CNTN4: variants seen among roughly 807,000 people sequenced by gnomAD.
The protein encoded by CNTN4 is contactin-4.
Under a neutral mutation model 122.5 loss-of-function variants are expected in CNTN4, and 77 were observed. That is an observed-to-expected ratio of 0.63 (90% CI 0.52 to 0.76). The LOEUF (loss-of-function observed/expected upper bound fraction) is 0.76, where lower values mean the gene tolerates loss of function less well. Ranked by LOEUF, CNTN4 falls within the 30% of genes least tolerant of loss-of-function variation. The pLI is 0.00. For missense variants in CNTN4, 1,256 were observed against 1,259.1 expected, an observed-to-expected ratio of 1.00 and a Z score of 0.04; for synonymous variants, 512 against 447.0, an observed-to-expected ratio of 1.15 and a Z score of -1.83.
At chr3:2,235,367 C>T (rs1005674028) in intron 2 of CNTN4, among the ~76,000 whole-genome samples, 11 of 152,160 alleles carry the variant, frequency 7.2e-5, no homozygotes, top group Non-Finnish European at 1.3e-4. Context: ...CCTCAAATAT[C>T]TATCCAGGAA....
chr3:2,318,730 C>T (rs2043190464), intron 2 of CNTN4, among the ~76,000 whole-genome samples: 1 of 152,212 alleles, frequency 6.6e-6, no homozygotes, highest in East Asian at 1.9e-4. Flanking sequence ...CCCTCCACCT[C>T]CTGGGCTCAA....
intron 7 of CNTN4, among the ~76,000 whole-genome samples, chr3:2,833,101 CT>C (rs901130667): frequency 6.6e-6 from 1 of 152,084 alleles, no homozygotes; most frequent in Non-Finnish European, 1.5e-5. Flanking sequence ...AATGAAAATG[CT>C]TTGGAAGGAA....
chr3:3,051,905 T>C (rs1330951069), intron 23 of CNTN4, among the ~76,000 whole-genome samples: 2 of 152,180 alleles, frequency 1.3e-5, no homozygotes, highest in Admixed American at 6.5e-5. Context: ...AAGGATGAGC[T>C]AATCTCGTGC....
At chr3:2,921,152 C>T (rs2094425892) in intron 12 of CNTN4, among the ~76,000 whole-genome samples, 1 of 152,152 alleles carries the variant, frequency 6.6e-6, no homozygotes, top group Admixed American at 6.5e-5. Flanking sequence ...ATCTTCTCAC[C>T]TCAGCTTTCC....
At chr3:3,016,856 T>A (rs2125557715) in intron 14 of CNTN4, among the ~76,000 whole-genome samples, 1 of 152,314 alleles carries the variant, frequency 6.6e-6, no homozygotes, top group Non-Finnish European at 1.5e-5. Context: ...AATAGATCAG[T>A]AAGCATTCCA....
chr3:2,874,813 G>A (rs2093825098), intron 8 of CNTN4, among the ~76,000 whole-genome samples: 1 of 152,112 alleles, frequency 6.6e-6, no homozygotes, highest in South Asian at 2.1e-4. Context: ...CAGGCAGCAG[G>A]CAGATTATTT....
intron 2 of CNTN4, among the ~76,000 whole-genome samples, chr3:2,158,018 A>G (rs1038070317): frequency 1.3e-5 from 2 of 152,202 alleles, no homozygotes; most frequent in Admixed American, 1.3e-4. Context: ...CAAACCCTAA[A>G]TTACAAAGAC....
chr3:2,214,392 A>G (rs1285029448), intron 2 of CNTN4, among the ~76,000 whole-genome samples: 1 of 152,176 alleles, frequency 6.6e-6, no homozygotes, highest in Non-Finnish European at 1.5e-5. Context: ...GTCATCCATG[A>G]TCAGACAAAT....
chr3:2,875,113 G>A (rs901928964), intron 8 of CNTN4, among the ~76,000 whole-genome samples: 2 of 152,092 alleles, frequency 1.3e-5, no homozygotes, highest in Non-Finnish European at 2.9e-5. Flanking sequence ...CTCCCGAGTA[G>A]CTGGGATTAC....
intron 20 of CNTN4, among the ~76,000 whole-genome samples, chr3:3,041,326 G>T (rs1336085930): frequency 6.6e-6 from 1 of 152,160 alleles, no homozygotes. Flanking sequence ...CATTGCCAAA[G>T]GATTTACAAT....
intron 6 of CNTN4, among the ~76,000 whole-genome samples, chr3:2,760,235 A>G (rs1223726308): frequency 6.6e-6 from 1 of 152,162 alleles, no homozygotes; most frequent in Non-Finnish European, 1.5e-5. Context: ...TGTCACATCA[A>G]AGAAACCATT....
chr3:2,804,352 C>A (rs1285783824), intron 6 of CNTN4, among the ~76,000 whole-genome samples: 1 of 152,104 alleles, frequency 6.6e-6, no homozygotes, highest in Non-Finnish European at 1.5e-5. Context: ...TTATCTGGAG[C>A]AAGACAGCCT....
intron 4 of CNTN4, among the ~76,000 whole-genome samples, chr3:2,643,168 TTTTG>T (rs1171201377): frequency 6.6e-6 from 1 of 152,088 alleles, no homozygotes; most frequent in Non-Finnish European, 1.5e-5. Context: ...TTAGAAAGCT[TTTTG>T]TTTGTTTATT....
At chr3:2,514,220 C>T (rs981627189) in intron 3 of CNTN4, among the ~76,000 whole-genome samples, 5 of 152,170 alleles carry the variant, frequency 3.3e-5, no homozygotes, top group African/African-American at 7.2e-5. Flanking sequence ...ATAACGTCCT[C>T]AGCGGCATTT....
chr3:2,564,261 TA>T (rs1266808664), intron 3 of CNTN4, among the ~76,000 whole-genome samples: 1 of 152,150 alleles, frequency 6.6e-6, no homozygotes, highest in Non-Finnish European at 1.5e-5. Flanking sequence ...TTAATAAAAG[TA>T]AAAGTTAAAT....
At chr3:2,178,311 TAAACTC>T (rs984625905) in intron 2 of CNTN4, among the ~76,000 whole-genome samples, 55 of 152,120 alleles carry the variant, frequency 3.6e-4, no homozygotes, top group Admixed American at 3.0e-3. Flanking sequence ...TAAGCCATCT[TAAACTC>T]AAAGAATTAT....
chr3:2,833,786 T>G (rs192115616), intron 7 of CNTN4, among the ~76,000 whole-genome samples: 52 of 152,316 alleles, frequency 3.4e-4, no homozygotes, highest in Admixed American at 3.3e-3. Context: ...GCATATGACC[T>G]GTACTCCTAG....
intron 8 of CNTN4, 64 bp from the exon 9 acceptor site, chr3:2,883,081 T>C (rs2093930877): frequency 2.6e-6 from 3 of 1,165,286 alleles, no homozygotes; most frequent in Admixed American, 3.8e-5. Context: ...AACAGAAAAA[T>C]GAGTTTTACA....
chr3:2,986,051 A>G (rs1338381149), intron 13 of CNTN4, among the ~76,000 whole-genome samples: 1 of 151,542 alleles, frequency 6.6e-6, no homozygotes, highest in Non-Finnish European at 1.5e-5. Context: ...AGTAGCTGGG[A>G]CTATAGGCTC....
Sources: gnomAD v4.1 joint callset for allele counts (sites outside exome capture counted in the v4.1 genomes callset) on GRCh38, gnomAD v4.1.1 for gene constraint, MANE v1.5 for transcripts, NCBI Gene and HGNC (gene_info 2026-07-23, HGNC 2026-07-21) for gene names.